The following SEPTIN6 variants were observed in gnomAD, a reference collection of about 807,000 sequenced individuals.
The protein encoded by SEPTIN6 is septin-6.
A neutral mutation model predicts 33.6 loss-of-function variants in SEPTIN6; 8 were observed. The observed-to-expected ratio is 0.24, with a 90% CI of 0.14 to 0.43. The LOEUF (loss-of-function observed/expected upper bound fraction) is 0.43, where lower values mean the gene tolerates loss of function less well. Ranked by LOEUF, SEPTIN6 falls within the 20% of genes least tolerant of loss-of-function variation. The pLI is 1.00. For missense variants in SEPTIN6, 250 were observed against 340.8 expected (o/e 0.73, Z 2.10); for synonymous variants, 131 against 140.0 (o/e 0.94, Z 0.45).
chrX:119,656,642 C>T (rs181602087), intron 3 of SEPTIN6, among the ~76,000 whole-genome samples: 96 of 112,610 alleles, frequency 8.5e-4, no homozygotes, highest in African/African-American at 3.0e-3. Context: ...AATCCCAGCA[C>T]TTTGGGAGAC....
intron 9 of SEPTIN6, among the ~76,000 whole-genome samples, chrX:119,628,504 C>CTT (rs766806075): frequency 3.7e-4 from 29 of 78,369 alleles, no homozygotes; most frequent in South Asian, 5.6e-4. Flanking sequence ...GTCTTGAACT[C>CTT]TTTTTTTTTT....
At chrX:119,634,763 C>T (rs1296336488) in intron 7 of SEPTIN6, among the ~76,000 whole-genome samples, 1 of 110,834 alleles carries the variant, frequency 9.0e-6, no homozygotes, top group Non-Finnish European at 1.9e-5. Context: ...AATCTCAGCA[C>T]TTTGGGAGGC....
chrX:119,686,425 T>C (rs2055056278), intron 1 of SEPTIN6: 3 of 278,783 alleles, frequency 1.1e-5, no homozygotes, highest in Non-Finnish European at 1.9e-5. Flanking sequence ...GGCCTCTCGC[T>C]GAGAAGGCCT....
At chrX:119,631,627 CAG>C (rs2053964001) in intron 8 of SEPTIN6, among the ~76,000 whole-genome samples, 1 of 110,169 alleles carries the variant, frequency 9.1e-6, no homozygotes, top group Non-Finnish European at 1.9e-5. Flanking sequence ...TTTATTGAGA[CAG>C]AGTCTCACTC....
At position 119,619,749 on chromosome X, in the gene SEPTIN6, G is replaced by T; in HGVS notation, c.*344C>A. ...ACAGGGGAGCTGGTGGGAAAGAGTA[G>T]CAGATGGGCCCCCTGACCATGTCAC... On this transcript the variant is annotated 3_prime_UTR_variant, in exon 11 of 11. Transcript: ENST00000394610. The T allele has an allele frequency of 4.0e-6, 4 of 990,899 alleles. No individual in the cohort carries two copies. The South Asian group carries it at 1.3e-4, about 33-fold the overall frequency. The allele number at this position is 990,899 out of a possible 1,213,427, so 81.7% of individuals were successfully genotyped here. A position where few individuals can be genotyped will look rare whatever the true frequency, so the allele number is the denominator to read the frequency against.
At chrX:119,676,464 CAA>C (rs36057688) in intron 1 of SEPTIN6, among the ~76,000 whole-genome samples, 2,417 of 84,436 alleles carry the variant, frequency 0.029, 49 homozygotes, top group South Asian at 0.18. Flanking sequence ...AACTCTGTCT[CAA>C]AAAAAAAAAA....
chrX:119,689,573 G>A (rs992313939), intron 1 of SEPTIN6, among the ~76,000 whole-genome samples: 5 of 111,469 alleles, frequency 4.5e-5, no homozygotes, highest in African/African-American at 1.3e-4. Context: ...TGCAAGTGCC[G>A]CCTCCCAGGT....
intron 1 of SEPTIN6, among the ~76,000 whole-genome samples, chrX:119,689,654 T>C (rs1208102929): frequency 1.8e-5 from 2 of 110,522 alleles, no homozygotes; most frequent in Non-Finnish European, 3.8e-5. Context: ...TTTTTTGTAT[T>C]TTTAGTAGAG....
At chrX:119,634,852 T>C (rs142592426) in intron 7 of SEPTIN6, among the ~76,000 whole-genome samples, 1,185 of 107,817 alleles carry the variant, frequency 0.011, 31 homozygotes, top group Admixed American at 0.08. Flanking sequence ...CTAATAAAAA[T>C]ACAAAAATTA....
intron 7 of SEPTIN6, chrX:119,635,135 G>GT (rs770387097): frequency 5.7e-6 from 2 of 350,871 alleles, no homozygotes; most frequent in Admixed American, 5.6e-5. Context: ...GGAGCCAAAG[G>GT]TAATTCTGAT....
chrX:119,679,034 G>A (rs997095527), intron 1 of SEPTIN6, among the ~76,000 whole-genome samples: 10 of 110,278 alleles, frequency 9.1e-5, no homozygotes, highest in African/African-American at 3.3e-4. Context: ...TGCAACTTCC[G>A]CCTCCCAGGT....
chrX:119,681,019 T>G (rs2054948599), intron 1 of SEPTIN6, among the ~76,000 whole-genome samples: 3 of 110,704 alleles, frequency 2.7e-5, no homozygotes, highest in African/African-American at 9.9e-5. Context: ...GTTCCTACTT[T>G]AGGAAATCCT....
chrX:119,632,296 C>T (rs1351430045), intron 8 of SEPTIN6, among the ~76,000 whole-genome samples: 1 of 108,833 alleles, frequency 9.2e-6, no homozygotes, highest in Non-Finnish European at 1.9e-5. Context: ...TCCGGGTTCA[C>T]GCCATTCTCC....
At chrX:119,638,909 TGTTTAGGTTCAGAGTA>T (rs905157713) in intron 6 of SEPTIN6, among the ~76,000 whole-genome samples, 48 of 112,299 alleles carry the variant, frequency 4.3e-4, no homozygotes, top group African/African-American at 1.5e-3. Context: ...CCCCCTTTTC[TGTTTAGGTTCAGAGTA>T]GTCCACATCA....
At chrX:119,668,447 A>G (rs1436990621) in intron 2 of SEPTIN6, among the ~76,000 whole-genome samples, 1 of 112,426 alleles carries the variant, frequency 8.9e-6, no homozygotes. Flanking sequence ...CTCTTTTTCT[A>G]TAAAATGAGA....
At chrX:119,671,358 G>A (rs1411622235) in intron 2 of SEPTIN6, among the ~76,000 whole-genome samples, 5 of 106,044 alleles carry the variant, frequency 4.7e-5, no homozygotes, top group African/African-American at 1.4e-4. Flanking sequence ...CGTGACCTCC[G>A]CTCACTGTAA....
chrX:119,641,427 TC>T (rs973323073), intron 5 of SEPTIN6, among the ~76,000 whole-genome samples: 1 of 112,209 alleles, frequency 8.9e-6, no homozygotes, highest in Non-Finnish European at 1.9e-5. Flanking sequence ...ACACGCTCCC[TC>T]GCCCTCTAGG....
At position 119,618,424 on chromosome X, in the gene SEPTIN6, A is replaced by G; in HGVS notation, c.*1669T>C. 1 of 864,669 alleles carries G rather than the reference A, an allele frequency of 1.2e-6. No homozygotes were observed. The highest frequency in any genetic ancestry group is 5.3e-4 in the Middle Eastern group (1 of 1,874). 71.3% of individuals were successfully genotyped at this position (864,669 alleles called of 1,213,427 possible). Reference sequence around the variant, plus strand: ...TTTTTTCTTTTTGCTTCCTATTATGATCTATAATTGAAGTGAGAAATCCCC... The same window carrying G: ...TTTTTTCTTTTTGCTTCCTATTATGGTCTATAATTGAAGTGAGAAATCCCC... On this transcript the variant is annotated 3_prime_UTR_variant, in exon 11 of 11. Transcript: ENST00000394610.
chrX:119,651,470 C>T (rs761791902), intron 4 of SEPTIN6, among the ~76,000 whole-genome samples: 13 of 111,399 alleles, frequency 1.2e-4, no homozygotes, highest in Non-Finnish European at 2.3e-4. Flanking sequence ...GTTGCGAGTT[C>T]GAGACCAGCT....
Sources: gnomAD v4.1 joint callset for allele counts (sites outside exome capture counted in the v4.1 genomes callset) on GRCh38, gnomAD v4.1.1 for gene constraint, MANE v1.5 for transcripts, NCBI Gene and HGNC (gene_info 2026-07-23, HGNC 2026-07-21) for gene names.